Variants in RALGAPA1 observed in about 807,000 individuals in gnomAD.
The protein encoded by RALGAPA1 is ral GTPase-activating protein subunit alpha-1.
In RALGAPA1, 52 loss-of-function variants were observed where a neutral mutation model predicts 269.6. The observed-to-expected ratio is 0.19, with a 90% CI of 0.15 to 0.24. The LOEUF is 0.24. Among genes scored for constraint, RALGAPA1 ranks in the 10% least tolerant of loss-of-function variants. The pLI is 1.00. For missense variants in RALGAPA1, 1,917 were observed against 3,013.9 expected, an observed-to-expected ratio of 0.64 and a Z score of 8.52; for synonymous variants, 817 against 1,008.3, an observed-to-expected ratio of 0.81 and a Z score of 3.60.
intron 16 of RALGAPA1, chr14:35,706,974 G>C (rs1407674763): frequency 6.6e-6 from 1 of 152,184 alleles, no homozygotes; most frequent in Non-Finnish European, 1.5e-5. Flanking sequence ...TTCTATCCAT[G>C]TACATGAACT....
At chr14:35,738,891 A>T (rs1203196742) in intron 11 of RALGAPA1, among the ~76,000 whole-genome samples, 1 of 152,210 alleles carries the variant, frequency 6.6e-6, no homozygotes. Context: ...GCCAGAGATT[A>T]TATCATTCCA....
chr14:35,634,453 C>A, intron 33 of RALGAPA1, 121 bp downstream of exon 33: 1 of 654,736 alleles, frequency 1.5e-6, no homozygotes, highest in East Asian at 3.0e-5. Context: ...GCTATACATA[C>A]ATGGTTAAAC....
chr14:35,597,073 T>C (rs1456022475), intron 36 of RALGAPA1, among the ~76,000 whole-genome samples: 1 of 152,192 alleles, frequency 6.6e-6, no homozygotes, highest in Non-Finnish European at 1.5e-5. Flanking sequence ...TTGAAGGACA[T>C]TTAGGTTGTT....
rs749658172 is a variant in RALGAPA1, at chr14:35,672,927, A to G, written c.5013T>C (p.Asn1671=). Residue 1671 remains asparagine, a synonymous_variant, in exon 25 of 42, where the codon AAT becomes AAC. Transcript: ENST00000680220. ...TMKRRQDVSP[N]RDFLTHFYNI... ...TGTAGAAATGTGTTAGAAAATCTCTATTTGGAGAAACATCTTGTCTTCTTT... is the reference window on the plus strand; with the variant it reads ...TGTAGAAATGTGTTAGAAAATCTCTGTTTGGAGAAACATCTTGTCTTCTTT... 1.1e-5 allele frequency: 18 copies of G among 1,573,484 alleles called. No homozygotes were observed. The East Asian group carries it at 3.2e-4, about 28-fold the overall frequency.
At position 35,757,127 on chromosome 14, in the gene RALGAPA1, T is replaced by A. The variant is rs905751138; in HGVS notation, c.548-219A>T. 3.5e-3 allele frequency among the ~76,000 whole-genome samples: 526 copies of A among 148,890 alleles called. 7 individuals carry two copies. The highest frequency in any genetic ancestry group is 0.025 in the East Asian group (128 of 5,130). On this transcript the variant is annotated intron_variant, in intron 6 of 41. Transcript: ENST00000680220. ...TTATTATTATTATTATTATTTTTTT[T>A]TTTTTTTTGAGACGGAGTCTCACTC...
At chr14:35,764,488 T>A (rs1299163080) in intron 4 of RALGAPA1, among the ~76,000 whole-genome samples, 1 of 152,114 alleles carries the variant, frequency 6.6e-6, no homozygotes, top group Non-Finnish European at 1.5e-5. Flanking sequence ...TCAATCATGT[T>A]TTTGTTGGGT....
At chr14:35,694,569 T>C (rs1017842268) in intron 17 of RALGAPA1, among the ~76,000 whole-genome samples, 8 of 151,848 alleles carry the variant, frequency 5.3e-5, no homozygotes, top group Non-Finnish European at 8.8e-5. Context: ...AAGCAACAAA[T>C]CAAGCTCAAT....
intron 31 of RALGAPA1, among the ~76,000 whole-genome samples, chr14:35,639,332 T>A (rs895552816): frequency 6.6e-6 from 1 of 152,210 alleles, no homozygotes; most frequent in Admixed American, 6.5e-5. Flanking sequence ...CAATAATAGC[T>A]GAAGACTTAA....
In RALGAPA1 at chr14:35,674,723, T is replaced by C. The variant is rs777463993; in HGVS notation, c.4625-14A>G. On this transcript the variant is annotated splice_polypyrimidine_tract_variant and intron_variant, in intron 22 of 41. Transcript: ENST00000680220. ...ATTCACTAATTTCTATAGAAAAAAA[T>C]ATATAGTGTCAGCCATTTTTCAGTG... 24 of 1,434,926 alleles carry C rather than the reference T, an allele frequency of 1.7e-5. No individual in the cohort carries two copies. The African/African-American group carries it at 3.3e-4, about 20-fold the overall frequency. 88.9% of individuals were successfully genotyped at this position (1,434,926 alleles called of 1,614,324 possible). A position where few individuals can be genotyped will look rare whatever the true frequency, so the allele number is the denominator to read the frequency against.
intron 41 of RALGAPA1, among the ~76,000 whole-genome samples, chr14:35,544,396 C>A (rs1687128630): frequency 6.6e-6 from 1 of 152,186 alleles, no homozygotes; most frequent in African/African-American, 2.4e-5. Flanking sequence ...GAAATCAGAT[C>A]AGTCTAGGTT....
At chr14:35,803,361 T>C (rs146816027) in intron 1 of RALGAPA1, among the ~76,000 whole-genome samples, 25 of 152,090 alleles carry the variant, frequency 1.6e-4, no homozygotes, top group African/African-American at 3.1e-4. Flanking sequence ...TAGAGGAAAA[T>C]AGATCCTAAA....
At chr14:35,766,582 G>A (rs574302090) in intron 4 of RALGAPA1, 1 of 782,172 alleles carries the variant, frequency 1.3e-6, no homozygotes, top group Non-Finnish European at 2.3e-6. Context: ...TATGGTCACA[G>A]ATGTGACACT....
intron 37 of RALGAPA1, among the ~76,000 whole-genome samples, chr14:35,589,074 A>G (rs1432844614): frequency 3.9e-5 from 6 of 152,250 alleles, no homozygotes; most frequent in Non-Finnish European, 8.8e-5. Context: ...AAGATGGAGT[A>G]CAGTAAGTCC....
At chr14:35,731,545 C>A (rs748467766) in intron 12 of RALGAPA1, among the ~76,000 whole-genome samples, 3 of 152,126 alleles carry the variant, frequency 2.0e-5, no homozygotes, top group South Asian at 2.1e-4. Context: ...AAAAAGCAAT[C>A]AAAAATTCAG....
rs543754579 is a variant in RALGAPA1, at chr14:35,809,168, C to T, written c.-333G>A. The stretch of plus-strand genomic sequence containing the variant: ...CGCCGCTCGCCGCCACAGGCCGGGG[C>T]CCCGGACCCAGAGCCACGAAGGTGG... On this transcript the variant is annotated 5_prime_UTR_variant, in exon 1 of 42. Transcript: ENST00000680220. 7.0e-4 allele frequency: 195 copies of T among 279,934 alleles called. 4 individuals are homozygous for T. The South Asian group carries it at 0.01, about 15-fold the overall frequency. 17.3% of individuals were successfully genotyped at this position (279,934 alleles called of 1,614,324 possible).
chr14:35,672,763 G>A (rs2140256655), intron 25 of RALGAPA1, 104 bp downstream of exon 25: 3 of 1,061,828 alleles, frequency 2.8e-6, no homozygotes, highest in Non-Finnish European at 3.8e-6. Flanking sequence ...ATAAGGGGGA[G>A]AGTTTAACTT....
intron 35 of RALGAPA1, among the ~76,000 whole-genome samples, chr14:35,615,194 T>C (rs911014319): frequency 6.6e-6 from 1 of 152,164 alleles, no homozygotes; most frequent in African/African-American, 2.4e-5. Flanking sequence ...CAAAATATTA[T>C]TAGCTCACTA....
intron 41 of RALGAPA1, among the ~76,000 whole-genome samples, chr14:35,545,036 A>C (rs2054330306): frequency 6.6e-6 from 1 of 152,162 alleles, no homozygotes; most frequent in Non-Finnish European, 1.5e-5. Flanking sequence ...CTCAAAAAAA[A>C]CAAAAACAAA....
intron 16 of RALGAPA1, among the ~76,000 whole-genome samples, chr14:35,709,166 C>T (rs1477002480): frequency 6.6e-6 from 1 of 152,000 alleles, no homozygotes; most frequent in Non-Finnish European, 1.5e-5. Flanking sequence ...GCTAGTACAA[C>T]AGGGTGACTA....
Sources: gnomAD v4.1 joint callset for allele counts (sites outside exome capture counted in the v4.1 genomes callset) on GRCh38, gnomAD v4.1.1 for gene constraint, MANE v1.5 for transcripts, NCBI Gene and HGNC (gene_info 2026-07-23, HGNC 2026-07-21) for gene names.